The following MOB3B variants were observed in gnomAD, a reference collection of about 807,000 sequenced individuals.
MOB3B encodes MOB kinase activator-like 2B.
MOB3B carries 7 observed loss-of-function variants against 18.7 expected under a neutral mutation model. The observed-to-expected ratio is 0.37, with a 90% CI of 0.21 to 0.70. The LOEUF (loss-of-function observed/expected upper bound fraction) is 0.70. Among genes scored for constraint, MOB3B ranks in the 30% least tolerant of loss-of-function variants. MOB3B has a pLI of 0.52. For missense variants in MOB3B, 253 were observed against 281.3 expected (o/e 0.90, Z 0.72); for synonymous variants, 111 against 99.9 (o/e 1.11, Z -0.66).
chr9:27,518,834 G>C (rs1324642333), intron 1 of MOB3B, among the ~76,000 whole-genome samples: 1 of 152,164 alleles, frequency 6.6e-6, no homozygotes, highest in Non-Finnish European at 1.5e-5. Flanking sequence ...AATCAGATTT[G>C]AGAACTATAA....
intron 2 of MOB3B, among the ~76,000 whole-genome samples, chr9:27,383,534 A>C (rs1335835124): frequency 6.6e-6 from 1 of 152,216 alleles, no homozygotes; most frequent in Non-Finnish European, 1.5e-5. Context: ...CTGTTGAAGG[A>C]ATTGACAGAA....
chr9:27,492,803 G>C (rs973922807), intron 1 of MOB3B, among the ~76,000 whole-genome samples: 1 of 152,210 alleles, frequency 6.6e-6, no homozygotes, highest in Non-Finnish European at 1.5e-5. Context: ...TTGGGAGTCT[G>C]TGTGGGTACT....
intron 1 of MOB3B, among the ~76,000 whole-genome samples, chr9:27,513,416 A>G (rs1423861929): frequency 6.6e-6 from 1 of 152,082 alleles, no homozygotes; most frequent in Non-Finnish European, 1.5e-5. Flanking sequence ...CTTCAAGCAC[A>G]CATCATATCA....
chr9:27,339,774 T>C (rs80355979), intron 3 of MOB3B, among the ~76,000 whole-genome samples: 2,023 of 152,350 alleles, frequency 0.013, 47 homozygotes, highest in African/African-American at 0.046. Flanking sequence ...CATATCTACA[T>C]GTGCTGTTTC....
At chr9:27,421,795 A>G (rs1377726449) in intron 2 of MOB3B, 5 of 152,336 alleles carry the variant, frequency 3.3e-5, no homozygotes, top group Admixed American at 2.6e-4. Context: ...CTTTCTCCAG[A>G]TGTCGGAGGG....
intron 1 of MOB3B, among the ~76,000 whole-genome samples, chr9:27,505,490 G>A (rs1820044789): frequency 6.6e-6 from 1 of 152,214 alleles, no homozygotes; most frequent in Non-Finnish European, 1.5e-5. Flanking sequence ...AAGATCCTGA[G>A]ATGTTCTGCA....
chr9:27,462,616 A>T (rs1352461191), intron 1 of MOB3B, among the ~76,000 whole-genome samples: 1 of 152,240 alleles, frequency 6.6e-6, no homozygotes, highest in Non-Finnish European at 1.5e-5. Flanking sequence ...GATAAAGGTC[A>T]TTGTCAGTTA....
intron 2 of MOB3B, among the ~76,000 whole-genome samples, chr9:27,453,898 A>G (rs1234605764): frequency 6.6e-6 from 1 of 152,130 alleles, no homozygotes; most frequent in Non-Finnish European, 1.5e-5. Context: ...GAGGTGCTTA[A>G]TATTATGCCC....
chr9:27,356,522 A>T (rs1821192284), intron 3 of MOB3B, among the ~76,000 whole-genome samples: 1 of 152,192 alleles, frequency 6.6e-6, no homozygotes, highest in South Asian at 2.1e-4. Context: ...TCTCTACTTG[A>T]TAACTTACAC....
chr9:27,389,740 A>G (rs1329559666), intron 2 of MOB3B, among the ~76,000 whole-genome samples: 1 of 152,226 alleles, frequency 6.6e-6, no homozygotes, highest in African/African-American at 2.4e-5. Flanking sequence ...GGTACATAGT[A>G]GTAAATAAAT....
chr9:27,471,210 T>G (rs1161434582), intron 1 of MOB3B, among the ~76,000 whole-genome samples: 1 of 152,176 alleles, frequency 6.6e-6, no homozygotes, highest in Non-Finnish European at 1.5e-5. Flanking sequence ...GAGTCTGACA[T>G]GCCTGGCCTG....
chr9:27,510,998 G>A (rs1206657447), intron 1 of MOB3B, among the ~76,000 whole-genome samples: 2 of 152,094 alleles, frequency 1.3e-5, no homozygotes, highest in African/African-American at 4.8e-5. Flanking sequence ...GGTCCCATAA[G>A]TCAGGTCAAG....
intron 1 of MOB3B, among the ~76,000 whole-genome samples, chr9:27,518,670 C>T (rs1306037487): frequency 1.3e-5 from 2 of 152,070 alleles, no homozygotes; most frequent in Non-Finnish European, 2.9e-5. Context: ...GAAAAGACAA[C>T]TGGATATTAG....
intron 1 of MOB3B, among the ~76,000 whole-genome samples, chr9:27,461,886 T>C (rs1819294204): frequency 6.6e-6 from 1 of 152,154 alleles, no homozygotes; most frequent in South Asian, 2.1e-4. Flanking sequence ...TGAGAAAGAA[T>C]GGAAAGAGTA....
intron 2 of MOB3B, among the ~76,000 whole-genome samples, chr9:27,427,274 A>G (rs560393976): frequency 6.6e-6 from 1 of 152,342 alleles, no homozygotes; most frequent in South Asian, 2.1e-4. Flanking sequence ...AACTTCAGGA[A>G]CTGATATAGC....
intron 1 of MOB3B, among the ~76,000 whole-genome samples, chr9:27,522,174 G>A (rs944328834): frequency 7.5e-5 from 11 of 147,050 alleles, no homozygotes; most frequent in Non-Finnish European, 1.2e-4. Context: ...CCCGGGAGGC[G>A]GAGGTTGCAG....
At chr9:27,380,530 C>A (rs1563854459) in intron 2 of MOB3B, among the ~76,000 whole-genome samples, 1 of 152,164 alleles carries the variant, frequency 6.6e-6, no homozygotes, top group African/African-American at 2.4e-5. Context: ...AGCCACCACG[C>A]CCCGCCAAGA....
At position 27,341,158 on chromosome 9, in the gene MOB3B, C is replaced by T. The variant is rs561955969; in HGVS notation, c.622-10542G>A. Among the ~76,000 whole-genome samples the T allele has an allele frequency of 1.9e-3, 292 of 152,296 alleles. 3 individuals are homozygous for T. The highest frequency in any genetic ancestry group is 3.4e-3 in the Middle Eastern group (1 of 294). The stretch of plus-strand genomic sequence containing the variant: ...CACTGGCCGGTGAAGCAGAGAGTAC[C>T]GGAAACTCCAGGTTAGGTTGCAGGC... On this transcript the variant is annotated intron_variant, in intron 3 of 3. Transcript: ENST00000262244.
intron 3 of MOB3B, among the ~76,000 whole-genome samples, chr9:27,350,617 C>G (rs752163263): frequency 1.3e-4 from 20 of 152,146 alleles, no homozygotes; most frequent in Non-Finnish European, 2.5e-4. Context: ...TGCCACATCC[C>G]CAGTTACCCA....
Sources: allele counts gnomAD v4.1 joint callset (sites outside exome capture counted in the v4.1 genomes callset), GRCh38; gene constraint gnomAD v4.1.1; transcripts MANE v1.5; gene names NCBI Gene and HGNC (gene_info 2026-07-23, HGNC 2026-07-21).